Variants in PCDH15 observed in about 807,000 individuals in gnomAD.
PCDH15 encodes protocadherin-15.
A neutral mutation model predicts 178.5 loss-of-function variants in PCDH15; 129 were observed. The observed-to-expected ratio is 0.72, with a 90% CI of 0.63 to 0.84. The LOEUF (loss-of-function observed/expected upper bound fraction) is 0.84. Among genes scored for constraint, PCDH15 ranks in the 40% least tolerant of loss-of-function variants. The pLI, the probability that PCDH15 is intolerant of heterozygous loss-of-function variation, is 0.00. For missense variants in PCDH15, 2,230 were observed against 2,099.9 expected (o/e 1.06, Z -1.21); for synonymous variants, 800 against 732.0 (o/e 1.09, Z -1.50).
chr10:54,467,598 G>A (rs933784132), intron 3 of PCDH15, among the ~76,000 whole-genome samples: 67 of 93,530 alleles, frequency 7.2e-4, no homozygotes, highest in African/African-American at 2.6e-3. Flanking sequence ...ATATCAAGCT[G>A]TAGTTTTTTT....
chr10:55,215,533 T>G (rs1169672789), intron 1 of PCDH15, among the ~76,000 whole-genome samples: 1 of 152,092 alleles, frequency 6.6e-6, no homozygotes, highest in Non-Finnish European at 1.5e-5. Context: ...TTGTATGTAA[T>G]GAAAACAACA....
chr10:54,949,928 T>G (rs1166377681), intron 2 of PCDH15, among the ~76,000 whole-genome samples: 1 of 151,982 alleles, frequency 6.6e-6, no homozygotes, highest in East Asian at 1.9e-4. Context: ...AGCATTTTGG[T>G]CAAAGCCATT....
At chr10:54,665,133 G>A (rs2094550142) in intron 1 of PCDH15, among the ~76,000 whole-genome samples, 1 of 151,666 alleles carries the variant, frequency 6.6e-6, no homozygotes, top group South Asian at 2.1e-4. Flanking sequence ...GCCTACAGAG[G>A]ACAAGCAGAC....
chr10:55,501,700 A>T (rs1181136989), intron 2 of PCDH15, among the ~76,000 whole-genome samples: 1 of 151,774 alleles, frequency 6.6e-6, no homozygotes, highest in Non-Finnish European at 1.5e-5. Flanking sequence ...AGTTTGGAGT[A>T]GTTATGTCAT....
chr10:55,071,556 A>G (rs1490877121), intron 2 of PCDH15, among the ~76,000 whole-genome samples: 1 of 152,176 alleles, frequency 6.6e-6, no homozygotes, highest in Non-Finnish European at 1.5e-5. Context: ...ACTATCCTAA[A>G]TATATATGCA....
intron 2 of PCDH15, among the ~76,000 whole-genome samples, chr10:55,352,899 C>A (rs1387475259): frequency 1.3e-5 from 2 of 152,228 alleles, no homozygotes; most frequent in East Asian, 3.9e-4. Context: ...TTTCTTAATC[C>A]AGGCAAAACC....
chr10:54,894,179 GACA>G (rs1442214685), intron 3 of PCDH15, among the ~76,000 whole-genome samples: 2 of 152,028 alleles, frequency 1.3e-5, no homozygotes, highest in Non-Finnish European at 2.9e-5. Flanking sequence ...TAGCTGGAGA[GACA>G]ACACTAATAC....
intron 2 of PCDH15, among the ~76,000 whole-genome samples, chr10:55,117,718 A>C (rs1837661933): frequency 6.6e-6 from 1 of 152,194 alleles, no homozygotes; most frequent in African/African-American, 2.4e-5. Flanking sequence ...TGAGGCAAGA[A>C]AATCTAAAAT....
At chr10:54,165,550 C>G (rs1045694913) in intron 13 of PCDH15, among the ~76,000 whole-genome samples, 1 of 152,114 alleles carries the variant, frequency 6.6e-6, no homozygotes, top group Non-Finnish European at 1.5e-5. Flanking sequence ...TCTAATTACT[C>G]AAACTCTGAG....
intron 2 of PCDH15, among the ~76,000 whole-genome samples, chr10:54,930,342 G>T (rs1837740586): frequency 6.6e-6 from 1 of 152,084 alleles, no homozygotes; most frequent in African/African-American, 2.4e-5. Flanking sequence ...CTTCACTGTA[G>T]GACCGGAAGT....
intron 3 of PCDH15, among the ~76,000 whole-genome samples, chr10:54,878,094 C>T: frequency 6.6e-6 from 1 of 151,770 alleles, no homozygotes; most frequent in African/African-American, 2.4e-5. Flanking sequence ...CCCCTCGTAG[C>T]TGGGATTACA....
chr10:54,107,012 T>G (rs2094928641), intron 15 of PCDH15, among the ~76,000 whole-genome samples: 1 of 152,190 alleles, frequency 6.6e-6, no homozygotes, highest in East Asian at 1.9e-4. Context: ...ACCTTGCCTA[T>G]CTTCCTTCCT....
chr10:54,869,612 A>G (rs1953999522), intron 3 of PCDH15, among the ~76,000 whole-genome samples: 1 of 152,212 alleles, frequency 6.6e-6, no homozygotes, highest in South Asian at 2.1e-4. Context: ...TAATTTCCTC[A>G]TGTAAAATGA....
intron 2 of PCDH15, among the ~76,000 whole-genome samples, chr10:54,658,386 C>G (rs1002840331): frequency 3.3e-5 from 5 of 152,064 alleles, no homozygotes; most frequent in African/African-American, 1.2e-4. Context: ...CAGTAAGTAT[C>G]AAACTATCTA....
At chr10:53,951,143 A>G (rs774223679) in intron 23 of PCDH15, among the ~76,000 whole-genome samples, 13 of 152,214 alleles carry the variant, frequency 8.5e-5, no homozygotes, top group Non-Finnish European at 1.9e-4. Context: ...AGATTAACAC[A>G]TTTTTCTCAA....
At chr10:54,586,501 T>A (rs2091478064) in intron 2 of PCDH15, among the ~76,000 whole-genome samples, 1 of 152,214 alleles carries the variant, frequency 6.6e-6, no homozygotes, top group Non-Finnish European at 1.5e-5. Flanking sequence ...TTTTTAACGA[T>A]CTTATAACAT....
intron 1 of PCDH15, among the ~76,000 whole-genome samples, chr10:55,305,661 A>G (rs1843403532): frequency 6.6e-6 from 1 of 152,104 alleles, no homozygotes; most frequent in Non-Finnish European, 1.5e-5. Flanking sequence ...GGAATAAACT[A>G]CTCTGATTTA....
intron 2 of PCDH15, among the ~76,000 whole-genome samples, chr10:54,598,398 G>C (rs1307706817): frequency 1.3e-5 from 2 of 151,966 alleles, no homozygotes; most frequent in Non-Finnish European, 2.9e-5. Flanking sequence ...AATAGATGCA[G>C]AAAGACTTTT....
rs1266951829 is a variant in PCDH15 at position 53,811,404 on chromosome 10, T to A, written c.4562+145A>T. The A allele has an allele frequency of 6.4e-5, 29 of 453,564 alleles. No homozygotes were observed. In the East Asian group the frequency reaches 1.2e-3, roughly 18 times the overall value. The allele number at this position is 453,564 out of a possible 1,614,324, so 28.1% of individuals were successfully genotyped here. ...GTTAAAACTTGGTTAAAAATAAAGC[T>A]AGATATACTATTCATTTTCAAGTAT... On this transcript the variant is annotated intron_variant, in intron 36 of 37. Coordinates refer to ENST00000644397, the MANE Select transcript of PCDH15 (RefSeq NM_001384140.1).
Sources: allele counts gnomAD v4.1 joint callset (sites outside exome capture counted in the v4.1 genomes callset), GRCh38; gene constraint gnomAD v4.1.1; transcripts MANE v1.5; gene names NCBI Gene and HGNC (gene_info 2026-07-23, HGNC 2026-07-21).